The following DCT variants were observed in gnomAD, a reference collection of about 807,000 sequenced individuals.
DCT encodes dopachrome tautomerase, also known as L-dopachrome tautomerase.
In DCT, 47 loss-of-function variants were observed where a neutral mutation model predicts 53.0. The ratio of observed to expected loss-of-function variants is 0.89; its 90% CI spans 0.70 to 1.13. The LOEUF (loss-of-function observed/expected upper bound fraction) is 1.13. DCT is among the 50% of genes most tolerant of loss of function. The probability of loss-of-function intolerance (pLI) is 0.00; values close to 1 mark genes in which losing one functional copy is unlikely to be tolerated. For missense variants in DCT, 669 were observed against 637.4 expected (o/e 1.05, Z -0.53); for synonymous variants, 244 against 237.0 (o/e 1.03, Z -0.27).
chr13:94,464,226 C>T (rs1188405491), intron 4 of DCT, among the ~76,000 whole-genome samples: 3 of 152,210 alleles, frequency 2.0e-5, no homozygotes, highest in South Asian at 2.1e-4. Context: ...CCTCAAAACG[C>T]ACACCTATGC....
rs192427783 is a variant in DCT, at chr13:94,452,650, G to A, written c.1179+7441C>T. On this transcript the variant is annotated intron_variant, in intron 6 of 7. Coordinates refer to ENST00000377028, the MANE Select transcript of DCT (RefSeq NM_001922.5). ...TTTGTTGTAGCATTGTAAAGCAAAC[G>A]ATTAGAAATCACCTAAATGTCCATC... 13 of 762,058 alleles carry A rather than the reference G, an allele frequency of 1.7e-5. No individual in the cohort carries two copies. In the East Asian group the frequency reaches 2.7e-4, roughly 16 times the overall value. 47.2% of individuals were successfully genotyped at this position (762,058 alleles called of 1,614,324 possible).
chr13:94,539,941 A>T, the DCT span, among the ~76,000 whole-genome samples: 1 of 152,226 alleles, frequency 6.6e-6, no homozygotes, highest in Admixed American at 6.5e-5. Context: ...ATATATATAT[A>T]TAGAAATGTG....
chr13:94,509,900 G>A, the DCT span, among the ~76,000 whole-genome samples: 1 of 152,136 alleles, frequency 6.6e-6, no homozygotes, highest in South Asian at 2.1e-4. Context: ...ATAGCAATTT[G>A]TTGCTATTGG....
chr13:94,482,258 A>G (rs1485715529), upstream of DCT, among the ~76,000 whole-genome samples: 1 of 152,176 alleles, frequency 6.6e-6, no homozygotes, highest in Non-Finnish European at 1.5e-5. Context: ...GGATAGTTTG[A>G]GAACTAGCTT....
intron 4 of DCT, among the ~76,000 whole-genome samples, chr13:94,462,902 TAGGCAAACTGA>T (rs1186651998): frequency 3.3e-5 from 5 of 152,160 alleles, no homozygotes; most frequent in African/African-American, 4.8e-5. Context: ...GAAAACCTTT[TAGGCAAACTGA>T]AGGCAAACGG....
chr13:94,511,246 G>A, the DCT span, among the ~76,000 whole-genome samples: 1 of 152,148 alleles, frequency 6.6e-6, no homozygotes, highest in East Asian at 1.9e-4. Flanking sequence ...ACATTGAACT[G>A]CTGATTCCTC....
rs148260658 is a variant in DCT, at chr13:94,439,934, T to C, written c.1524A>G (p.Thr508=). The change falls in exon 8 of 8, where the codon ACA becomes ACG. Residue 508 remains threonine (T), a synonymous_variant. Transcript: ENST00000377028. ...LRKGYTPLME[T]HLSSKRYTEE... ...CTGTGTATCTCTTGCTGCTTAAATGTGTCTCCATTAGGGGTGTATATCCTT... is the reference window on the plus strand; with the variant it reads ...CTGTGTATCTCTTGCTGCTTAAATGCGTCTCCATTAGGGGTGTATATCCTT... The C allele has an allele frequency of 3.8e-5, 62 of 1,613,998 alleles. 1 individual carries two copies. The African/African-American group carries it at 7.1e-4, about 18-fold the overall frequency.
the DCT span, among the ~76,000 whole-genome samples, chr13:94,513,200 C>G: frequency 2.6e-5 from 4 of 152,192 alleles, no homozygotes; most frequent in African/African-American, 9.6e-5. Context: ...GGCGACAGCT[C>G]TGTCAGAGAT....
chr13:94,533,146 T>A, the DCT span, among the ~76,000 whole-genome samples: 1 of 148,850 alleles, frequency 6.7e-6, no homozygotes, highest in Non-Finnish European at 1.5e-5. Flanking sequence ...TGGAGAAAAA[T>A]GGCAATTACT....
chr13:94,442,153 G>A (rs138657696), intron 7 of DCT, among the ~76,000 whole-genome samples: 13 of 152,074 alleles, frequency 8.5e-5, no homozygotes, highest in African/African-American at 1.4e-4. Context: ...CTGCCCAAGC[G>A]TCCCACTACA....
chr13:94,517,553 C>T, the DCT span, among the ~76,000 whole-genome samples: 1 of 152,334 alleles, frequency 6.6e-6, no homozygotes, highest in Non-Finnish European at 1.5e-5. Flanking sequence ...AATAATGACA[C>T]CCAAAGACAG....
chr13:94,465,227 C>T (rs1029699875), intron 4 of DCT, among the ~76,000 whole-genome samples: 12 of 152,140 alleles, frequency 7.9e-5, no homozygotes, highest in African/African-American at 1.7e-4. Flanking sequence ...TTTGTATTCC[C>T]GGCAGTACCA....
intron 4 of DCT, 99 bp from the exon 5 acceptor site, chr13:94,462,288 C>T: frequency 1.1e-6 from 1 of 875,198 alleles, no homozygotes; most frequent in South Asian, 1.4e-5. Flanking sequence ...CAGGTGGATC[C>T]CTTGAGGCCA....
At chr13:94,460,275 T>A (rs778147622) in intron 5 of DCT, 49 bp from the exon 6 acceptor site, 7 of 1,572,766 alleles carry the variant, frequency 4.5e-6, no homozygotes, top group Non-Finnish European at 6.1e-6. Flanking sequence ...CTGATAAAGG[T>A]CTCTTTTTTG....
chr13:94,500,210 A>G, the DCT span, among the ~76,000 whole-genome samples: 1 of 152,156 alleles, frequency 6.6e-6, no homozygotes, highest in Non-Finnish European at 1.5e-5. Flanking sequence ...GTCTGTTCTC[A>G]TGCTGCCAAC....
the DCT span, among the ~76,000 whole-genome samples, chr13:94,519,312 C>G: frequency 6.6e-6 from 1 of 152,272 alleles, no homozygotes; most frequent in Admixed American, 6.5e-5. Flanking sequence ...CTCTCCAGCA[C>G]CTAGAACAGT....
the DCT span, among the ~76,000 whole-genome samples, chr13:94,496,188 G>A: frequency 6.6e-6 from 1 of 152,122 alleles, no homozygotes; most frequent in African/African-American, 2.4e-5. Context: ...AATGGATCCT[G>A]GCATTATTTA....
At chr13:94,519,662 A>G in the DCT span, among the ~76,000 whole-genome samples, 3 of 152,196 alleles carry the variant, frequency 2.0e-5, no homozygotes, top group Admixed American at 6.5e-5. Context: ...CCAGCTACAC[A>G]TTGGTAGGGA....
At chr13:94,507,939 T>C in the DCT span, among the ~76,000 whole-genome samples, 1 of 152,226 alleles carries the variant, frequency 6.6e-6, no homozygotes, top group Non-Finnish European at 1.5e-5. Flanking sequence ...AAATTGCTCA[T>C]CCAAATCTTT....
Sources: gnomAD v4.1 joint callset for allele counts (sites outside exome capture counted in the v4.1 genomes callset) on GRCh38, gnomAD v4.1.1 for gene constraint, MANE v1.5 for transcripts, NCBI Gene and HGNC (gene_info 2026-07-23, HGNC 2026-07-21) for gene names.